The following CNTN4 variants were observed in gnomAD, a reference collection of about 807,000 sequenced individuals.
The protein encoded by CNTN4 is contactin-4.
Under a neutral mutation model 122.5 loss-of-function variants are expected in CNTN4, and 77 were observed. That is an observed-to-expected ratio of 0.63 (90% CI 0.52 to 0.76). The LOEUF is 0.76. Among genes scored for constraint, CNTN4 ranks in the 30% least tolerant of loss-of-function variants. CNTN4 has a pLI of 0.00. For synonymous variants in CNTN4, 512 were observed against 447.0 expected, an observed-to-expected ratio of 1.15 and a Z score of -1.83; for missense variants, 1,256 against 1,259.1, an observed-to-expected ratio of 1.00 and a Z score of 0.04.
At chr3:2,203,197 T>G (rs1261906482) in intron 2 of CNTN4, among the ~76,000 whole-genome samples, 1 of 152,156 alleles carries the variant, frequency 6.6e-6, no homozygotes, top group African/African-American at 2.4e-5. Flanking sequence ...TGTTGACTTT[T>G]ACACAGTATT....
chr3:2,887,278 T>C, intron 10 of CNTN4, 54 bp downstream of exon 10: 4 of 1,537,524 alleles, frequency 2.6e-6, no homozygotes, highest in Non-Finnish European at 3.6e-6. Context: ...TTCCTGATAT[T>C]GAAATCATAA....
chr3:2,893,537 T>C (rs2094069427), intron 10 of CNTN4, among the ~76,000 whole-genome samples: 1 of 152,218 alleles, frequency 6.6e-6, no homozygotes, highest in African/African-American at 2.4e-5. Flanking sequence ...TTTCATCTGA[T>C]AGTTCCAATA....
chr3:2,918,864 G>T (rs1399907284), intron 12 of CNTN4, among the ~76,000 whole-genome samples: 1 of 152,174 alleles, frequency 6.6e-6, no homozygotes, highest in Non-Finnish European at 1.5e-5. Context: ...ATATGAAGGG[G>T]AGAAAGAGAT....
intron 13 of CNTN4, among the ~76,000 whole-genome samples, chr3:2,943,698 A>G (rs2094642011): frequency 6.8e-6 from 1 of 147,480 alleles, no homozygotes; most frequent in South Asian, 2.1e-4. Flanking sequence ...ATCTCGGCTC[A>G]CTGCAACCTC....
intron 2 of CNTN4, among the ~76,000 whole-genome samples, chr3:2,122,831 A>G (rs1214429478): frequency 6.6e-6 from 1 of 152,190 alleles, no homozygotes; most frequent in African/African-American, 2.4e-5. Flanking sequence ...CTCACAAGTG[A>G]TCGTGTACCC....
At chr3:2,440,883 A>ATATATATATATATGTATATATG (rs2048415088) in intron 3 of CNTN4, among the ~76,000 whole-genome samples, 3 of 139,710 alleles carry the variant, frequency 2.1e-5, no homozygotes, top group African/African-American at 8.9e-5. Context: ...GTATATATGT[A>ATATATATATATATGTATATATG]TATATATATA....
At chr3:2,139,162 T>A (rs1273821799) in intron 2 of CNTN4, among the ~76,000 whole-genome samples, 1 of 152,164 alleles carries the variant, frequency 6.6e-6, no homozygotes, top group Non-Finnish European at 1.5e-5. Flanking sequence ...AGATCCTGGT[T>A]TGTAGTCCCC....
At chr3:2,789,808 A>C (rs902486242) in intron 6 of CNTN4, among the ~76,000 whole-genome samples, 1 of 152,232 alleles carries the variant, frequency 6.6e-6, no homozygotes. Flanking sequence ...TTAAAAAGCT[A>C]AATTAGAGGA....
chr3:2,581,339 T>C (rs1007381496), intron 4 of CNTN4, among the ~76,000 whole-genome samples: 8 of 152,130 alleles, frequency 5.3e-5, no homozygotes, highest in Non-Finnish European at 8.8e-5. Context: ...GACTTTAATA[T>C]ATAAGGGGAT....
At chr3:2,956,998 C>T (rs978552108) in intron 13 of CNTN4, among the ~76,000 whole-genome samples, 1 of 152,058 alleles carries the variant, frequency 6.6e-6, no homozygotes, top group East Asian at 1.9e-4. Context: ...AGTAATAGTC[C>T]GCTGTACATA....
At chr3:2,298,761 G>A (rs774166889) in intron 2 of CNTN4, among the ~76,000 whole-genome samples, 51 of 152,144 alleles carry the variant, frequency 3.4e-4, no homozygotes, top group African/African-American at 1.1e-3. Context: ...AAGAAATTAC[G>A]TGGCATATAT....
intron 2 of CNTN4, among the ~76,000 whole-genome samples, chr3:2,242,627 C>G (rs1326512663): frequency 1.3e-5 from 2 of 152,064 alleles, no homozygotes; most frequent in Non-Finnish European, 2.9e-5. Flanking sequence ...AGAAAATTGT[C>G]CTTGAATAGT....
At chr3:2,321,860 C>T (rs2043287110) in intron 2 of CNTN4, among the ~76,000 whole-genome samples, 1 of 152,142 alleles carries the variant, frequency 6.6e-6, no homozygotes, top group Admixed American at 6.6e-5. Context: ...TTCATTTTTA[C>T]TTAACCTTTG....
At chr3:2,573,877 A>C (rs1356134710) in intron 4 of CNTN4, among the ~76,000 whole-genome samples, 1 of 152,062 alleles carries the variant, frequency 6.6e-6, no homozygotes, top group Admixed American at 6.5e-5. Context: ...ATTTGTCTTG[A>C]TTTCATTAAT....
Position 3,049,193 on chromosome 3 carries a change from C to T in CNTN4, c.2812-4614C>T, listed in dbSNP as rs577521769. ...CGCCTCCAGGGTTCAAGCAGTTCTCCTGCCTCAGCCTCCCAAGTAGCTGAG... is the reference window on the plus strand; with the variant it reads ...CGCCTCCAGGGTTCAAGCAGTTCTCTTGCCTCAGCCTCCCAAGTAGCTGAG... On this transcript the variant is annotated intron_variant, in intron 23 of 24. Transcript: ENST00000418658. Among the ~76,000 whole-genome samples the T allele has an allele frequency of 1.1e-4, 16 of 152,310 alleles. No individual in the cohort carries two copies. In the South Asian group the frequency reaches 2.9e-3, roughly 28 times the overall value.
intron 2 of CNTN4, among the ~76,000 whole-genome samples, chr3:2,116,434 C>T (rs943751793): frequency 2.6e-5 from 4 of 152,026 alleles, no homozygotes; most frequent in African/African-American, 9.7e-5. Flanking sequence ...CACCTGGGAG[C>T]TTTGGAAGAA....
Position 2,621,234 on chromosome 3 carries a change from A to G in CNTN4, c.55+49676A>G, listed in dbSNP as rs546907113. 2.6e-5 allele frequency among the ~76,000 whole-genome samples: 4 copies of G among 152,312 alleles called. No homozygotes were observed. The South Asian group carries it at 8.3e-4, about 32-fold the overall frequency. ...TGAAAGTATAACATGCAGCAAGGGA[A>G]CTAGACTGAGTCTGCCTCAACACAT... On this transcript the variant is annotated intron_variant, in intron 4 of 24. Transcript: ENST00000418658.
At chr3:2,121,123 C>T (rs1444663757) in intron 2 of CNTN4, among the ~76,000 whole-genome samples, 1 of 151,982 alleles carries the variant, frequency 6.6e-6, no homozygotes, top group Non-Finnish European at 1.5e-5. Context: ...CTCCCTCCCT[C>T]TCTTCTTTCC....
At chr3:2,950,329 T>C (rs1385019010) in intron 13 of CNTN4, among the ~76,000 whole-genome samples, 1 of 152,196 alleles carries the variant, frequency 6.6e-6, no homozygotes, top group Admixed American at 6.5e-5. Flanking sequence ...CCAGAATGAG[T>C]CATTGTATGT....
Sources: gnomAD v4.1 joint callset for allele counts (sites outside exome capture counted in the v4.1 genomes callset) on GRCh38, gnomAD v4.1.1 for gene constraint, MANE v1.5 for transcripts, NCBI Gene and HGNC (gene_info 2026-07-23, HGNC 2026-07-21) for gene names.